GPBP1: variants seen among roughly 807,000 people sequenced by gnomAD.
GPBP1 encodes the protein vasculin.
GPBP1 carries 13 observed loss-of-function variants against 56.5 expected under a neutral mutation model. The ratio of observed to expected loss-of-function variants is 0.23; its 90% CI spans 0.15 to 0.37. The LOEUF (loss-of-function observed/expected upper bound fraction) is 0.37, where lower values mean the gene tolerates loss of function less well. Among genes scored for constraint, GPBP1 ranks in the 10% least tolerant of loss-of-function variants. The pLI is 1.00. For synonymous variants in GPBP1, 204 were observed against 188.9 expected, an observed-to-expected ratio of 1.08 and a Z score of -0.66; for missense variants, 477 against 572.3, an observed-to-expected ratio of 0.83 and a Z score of 1.70.
At chr5:57,190,244 T>G (rs1242504217) in intron 2 of GPBP1, among the ~76,000 whole-genome samples, 2 of 151,714 alleles carry the variant, frequency 1.3e-5, no homozygotes, top group East Asian at 3.9e-4. Flanking sequence ...TAGGTGGAAT[T>G]TGTTATTGGA....
chr5:57,176,056 G>A lies in GPBP1; in HGVS notation c.-402G>A. On this transcript the variant is annotated 5_prime_UTR_variant, in exon 2 of 12. The change abolishes an upstream ATG in the 5' untranslated region. Coordinates refer to ENST00000506184, the MANE Select transcript of GPBP1 (RefSeq NM_022913.4). ...TCTGTATATGCTGATGTTTAGGAAT[G>A]CTCTTCAGATGTGAAATTTTCTTTT... The A allele has an allele frequency of 7.5e-6, 3 of 398,484 alleles. No individual in the cohort carries two copies. The highest frequency in any genetic ancestry group is 1.3e-5 in the Non-Finnish European group (3 of 225,994). The allele number at this position is 398,484 out of a possible 1,614,324, so 24.7% of individuals were successfully genotyped here.
chr5:57,194,793 C>T (rs1379436895), intron 2 of GPBP1, among the ~76,000 whole-genome samples: 1 of 152,072 alleles, frequency 6.6e-6, no homozygotes, highest in Non-Finnish European at 1.5e-5. Flanking sequence ...AACATACTGT[C>T]CTCTGGTTCC....
At chr5:57,234,223 T>G (rs1299512904) in intron 5 of GPBP1, among the ~76,000 whole-genome samples, 5 of 152,220 alleles carry the variant, frequency 3.3e-5, no homozygotes, top group Non-Finnish European at 5.9e-5. Flanking sequence ...ATTAAGTACC[T>G]TCTTTAAAAG....
intron 2 of GPBP1, among the ~76,000 whole-genome samples, chr5:57,210,267 C>T (rs1486094761): frequency 1.3e-5 from 2 of 152,066 alleles, no homozygotes; most frequent in Non-Finnish European, 2.9e-5. Context: ...AACCAGCTTT[C>T]TCCCGGGGAA....
At chr5:57,192,689 G>T (rs946909400) in intron 2 of GPBP1, among the ~76,000 whole-genome samples, 29 of 149,294 alleles carry the variant, frequency 1.9e-4, no homozygotes, top group African/African-American at 6.7e-4. Flanking sequence ...GGAGGCGGAG[G>T]TTGCGGTGAG....
intron 6 of GPBP1, among the ~76,000 whole-genome samples, chr5:57,241,235 A>G (rs1740811933): frequency 6.6e-6 from 1 of 152,150 alleles, no homozygotes; most frequent in Non-Finnish European, 1.5e-5. Flanking sequence ...GAGGAATTGA[A>G]ATGTCAACTC....
chr5:57,249,214 T>C, intron 8 of GPBP1, 195 bp from the exon 9 acceptor site: 1 of 464,230 alleles, frequency 2.2e-6, no homozygotes, highest in African/African-American at 2.0e-5. Context: ...TCATTGTTTG[T>C]GGGATAAGAA....
intron 3 of GPBP1, among the ~76,000 whole-genome samples, chr5:57,224,842 C>G (rs970430044): frequency 6.6e-6 from 1 of 151,594 alleles, no homozygotes; most frequent in East Asian, 1.9e-4. Context: ...CTAAATAATT[C>G]TAACTTATTA....
chr5:57,194,607 C>T (rs1241199250), intron 2 of GPBP1, among the ~76,000 whole-genome samples: 1 of 152,070 alleles, frequency 6.6e-6, no homozygotes, highest in Non-Finnish European at 1.5e-5. Flanking sequence ...CTACCAAATA[C>T]TAGATCTTAT....
At chr5:57,192,982 A>G (rs890978501) in intron 2 of GPBP1, among the ~76,000 whole-genome samples, 2 of 151,936 alleles carry the variant, frequency 1.3e-5, no homozygotes, top group Admixed American at 6.6e-5. Context: ...GGTAACATCA[A>G]CCTCCTGGAG....
chr5:57,231,028 G>C, intron 4 of GPBP1, 59 bp downstream of exon 4: 2 of 1,582,754 alleles, frequency 1.3e-6, no homozygotes, highest in Non-Finnish European at 1.7e-6. Context: ...TTTAAAGAAT[G>C]TTTTGATGTG....
intron 10 of GPBP1, among the ~76,000 whole-genome samples, chr5:57,254,883 AAAT>A (rs1741579087): frequency 6.6e-6 from 1 of 152,236 alleles, no homozygotes; most frequent in African/African-American, 2.4e-5. Flanking sequence ...ACAGATGAAT[AAAT>A]AACCACACTA....
rs891858508 is a variant in GPBP1, at chr5:57,221,261, A to G, written c.63+7068A>G. The G allele has an allele frequency of 9.8e-5, 63 of 644,532 alleles. No individual in the cohort carries two copies. In the Middle Eastern group the frequency reaches 2.2e-3, roughly 22 times the overall value. The allele number at this position is 644,532 out of a possible 1,614,324, so 39.9% of individuals were successfully genotyped here. A position where few individuals can be genotyped will look rare whatever the true frequency, so the allele number is the denominator to read the frequency against. ...ACACAGTCTTTTCATTTTCATGTAT[A>G]TGTAACAAATTTTATATACCTGTGG... On this transcript the variant is annotated intron_variant, in intron 3 of 11. Transcript: ENST00000506184.
intron 6 of GPBP1, chr5:57,246,055 G>T (rs1296373860): frequency 5.9e-6 from 2 of 341,782 alleles, no homozygotes; most frequent in African/African-American, 2.1e-5. Flanking sequence ...GAGCCACTGT[G>T]TAGCAGAATT....
chr5:57,226,691 A>G (rs1756207135), intron 3 of GPBP1, among the ~76,000 whole-genome samples: 3 of 139,974 alleles, frequency 2.1e-5, no homozygotes, highest in East Asian at 4.1e-4. Flanking sequence ...CACTGGGATT[A>G]CAGGTGTGCG....
intron 2 of GPBP1, among the ~76,000 whole-genome samples, chr5:57,177,883 T>G (rs999398984): frequency 2.0e-5 from 3 of 152,046 alleles, no homozygotes; most frequent in Admixed American, 1.3e-4. Context: ...ATTTTTTTTT[T>G]GCTTAAACTG....
chr5:57,203,173 TATA>T (rs1755090441), intron 2 of GPBP1, among the ~76,000 whole-genome samples: 1 of 152,224 alleles, frequency 6.6e-6, no homozygotes, highest in African/African-American at 2.4e-5. Flanking sequence ...GTTTTCAGAA[TATA>T]ATGCTTTTTT....
intron 2 of GPBP1, among the ~76,000 whole-genome samples, chr5:57,186,797 C>T (rs1233444071): frequency 6.6e-6 from 1 of 152,100 alleles, no homozygotes; most frequent in Non-Finnish European, 1.5e-5. Flanking sequence ...TCTCAAATTA[C>T]TGGACTCATG....
intron 5 of GPBP1, among the ~76,000 whole-genome samples, chr5:57,233,319 A>G (rs759083058): frequency 6.6e-6 from 1 of 152,204 alleles, no homozygotes. Flanking sequence ...CCTGTTATCA[A>G]GTAACTTTGT....
Sources: allele counts gnomAD v4.1 joint callset (sites outside exome capture counted in the v4.1 genomes callset), GRCh38; gene constraint gnomAD v4.1.1; transcripts MANE v1.5; gene names NCBI Gene and HGNC (gene_info 2026-07-23, HGNC 2026-07-21).